Variants in TAFA1 observed in about 807,000 individuals in gnomAD.
The protein encoded by TAFA1 is chemokine-like protein TAFA-1.
A neutral mutation model predicts 18.5 loss-of-function variants in TAFA1; 4 were observed. The observed-to-expected ratio is 0.22, with a 90% CI of 0.11 to 0.49. TAFA1 has a LOEUF of 0.49. Ranked by LOEUF, TAFA1 falls within the 20% of genes least tolerant of loss-of-function variation. The pLI is 0.98. For synonymous variants in TAFA1, 56 were observed against 55.2 expected (o/e 1.01, Z -0.06); for missense variants, 147 against 169.0 (o/e 0.87, Z 0.72).
At chr3:68,083,189 GA>G (rs1452479747) in intron 2 of TAFA1, among the ~76,000 whole-genome samples, 1 of 152,168 alleles carries the variant, frequency 6.6e-6, no homozygotes, top group Non-Finnish European at 1.5e-5. Flanking sequence ...TAAAATCAGA[GA>G]AGGGCTCTAT....
At chr3:68,008,474 A>G (rs1704407862) in intron 2 of TAFA1, among the ~76,000 whole-genome samples, 1 of 152,182 alleles carries the variant, frequency 6.6e-6, no homozygotes, top group African/African-American at 2.4e-5. Flanking sequence ...CACACTGTTC[A>G]GTTTAATCCT....
chr3:68,434,443 T>G (rs908358896), intron 3 of TAFA1, among the ~76,000 whole-genome samples: 1 of 152,064 alleles, frequency 6.6e-6, no homozygotes, highest in African/African-American at 2.4e-5. Context: ...CATAGAACCT[T>G]ATTAGATACC....
chr3:68,263,257 G>C (rs142958907), intron 2 of TAFA1, among the ~76,000 whole-genome samples: 1 of 151,802 alleles, frequency 6.6e-6, no homozygotes. Flanking sequence ...TATATTATAC[G>C]GTGGAATTTC....
chr3:68,234,215 GT>G (rs2066902554), intron 2 of TAFA1, among the ~76,000 whole-genome samples: 1 of 152,176 alleles, frequency 6.6e-6, no homozygotes, highest in South Asian at 2.1e-4. Flanking sequence ...AGTGGCAGGT[GT>G]TTGGAAACTG....
intron 2 of TAFA1, among the ~76,000 whole-genome samples, chr3:68,348,339 C>T (rs1284846426): frequency 1.3e-5 from 2 of 152,124 alleles, no homozygotes; most frequent in Admixed American, 6.6e-5. Flanking sequence ...ACTCATTTAT[C>T]ACTATACTTA....
chr3:68,123,993 T>C (rs1033148971), intron 2 of TAFA1, among the ~76,000 whole-genome samples: 4 of 150,032 alleles, frequency 2.7e-5, no homozygotes, highest in Non-Finnish European at 5.9e-5. Context: ...AAAAGCTTCC[T>C]CAGGTCAGAC....
At chr3:68,054,292 T>A (rs959052051) in intron 2 of TAFA1, among the ~76,000 whole-genome samples, 2 of 152,050 alleles carry the variant, frequency 1.3e-5, no homozygotes. Flanking sequence ...GGGAGGGTAG[T>A]GAGTGAGTTC....
intron 2 of TAFA1, among the ~76,000 whole-genome samples, chr3:68,337,999 G>T (rs1018386363): frequency 6.6e-6 from 1 of 152,178 alleles, no homozygotes; most frequent in East Asian, 1.9e-4. Flanking sequence ...AGATTAGCTG[G>T]TGTTCAAGTG....
intron 2 of TAFA1, among the ~76,000 whole-genome samples, chr3:68,327,881 C>T (rs1039547095): frequency 6.6e-6 from 1 of 152,068 alleles, no homozygotes; most frequent in African/African-American, 2.4e-5. Flanking sequence ...AGATATGGAC[C>T]CAGGTGGTCT....
rs142907032 is a variant in TAFA1 at position 68,279,525 on chromosome 3, G to A, written c.119-137755G>A. ...GGACAGATTCTACTTCTCTAGACCT[G>A]ATAATCTGGTGAAAGAGATTGATGT... On this transcript the variant is annotated intron_variant, in intron 2 of 4. Transcript: ENST00000478136. Among the ~76,000 whole-genome samples, 192 of 152,206 alleles carry A rather than the reference G, an allele frequency of 1.3e-3. 1 individual carries two copies. Among genetic ancestry groups the A allele is most frequent in the African/African-American group, 4.1e-3 (170 of 41,548 alleles).
intron 2 of TAFA1, among the ~76,000 whole-genome samples, chr3:68,112,529 T>C (rs1559524779): frequency 6.6e-6 from 1 of 152,192 alleles, no homozygotes; most frequent in Non-Finnish European, 1.5e-5. Context: ...TTATATTTAA[T>C]GGTTAAATAT....
intron 2 of TAFA1, among the ~76,000 whole-genome samples, chr3:68,281,126 T>G (rs979025703): frequency 1.1e-4 from 17 of 152,174 alleles, no homozygotes; most frequent in Middle Eastern, 3.2e-3. Context: ...ATCATTTTAA[T>G]TTTTTATTTA....
intron 2 of TAFA1, among the ~76,000 whole-genome samples, chr3:68,406,389 A>G (rs141824134): frequency 8.5e-5 from 13 of 152,288 alleles, no homozygotes; most frequent in African/African-American, 3.1e-4. Flanking sequence ...TTAAGTCAAG[A>G]ATATTGCACC....
At chr3:68,528,568 C>T (rs2073141586) in intron 3 of TAFA1, among the ~76,000 whole-genome samples, 1 of 152,188 alleles carries the variant, frequency 6.6e-6, no homozygotes, top group African/African-American at 2.4e-5. Context: ...AGAGTTGTAA[C>T]AGCTGTTCCA....
chr3:68,305,980 G>A (rs1322390911), intron 2 of TAFA1, among the ~76,000 whole-genome samples: 3 of 152,158 alleles, frequency 2.0e-5, no homozygotes, highest in African/African-American at 4.8e-5. Flanking sequence ...GATTTAAAAT[G>A]TTTGAAAAAC....
chr3:68,440,674 T>G (rs890887598), intron 3 of TAFA1, among the ~76,000 whole-genome samples: 1 of 152,138 alleles, frequency 6.6e-6, no homozygotes, highest in Non-Finnish European at 1.5e-5. Context: ...TCTGGGCCAT[T>G]TGTAGTCCTG....
upstream of TAFA1, among the ~76,000 whole-genome samples, chr3:68,000,230 G>A (rs1704269972): frequency 6.6e-6 from 1 of 152,176 alleles, no homozygotes; most frequent in Non-Finnish European, 1.5e-5. Context: ...CAGTATGTTA[G>A]ACTCTGAAGA....
chr3:68,270,220 T>C (rs1424164426), intron 2 of TAFA1, among the ~76,000 whole-genome samples: 2 of 152,144 alleles, frequency 1.3e-5, no homozygotes, highest in Non-Finnish European at 2.9e-5. Flanking sequence ...ACTTTCTTAA[T>C]CCCTCTAAGC....
At chr3:68,398,344 G>A (rs1443786285) in intron 2 of TAFA1, among the ~76,000 whole-genome samples, 1 of 152,114 alleles carries the variant, frequency 6.6e-6, no homozygotes, top group Non-Finnish European at 1.5e-5. Context: ...TTAATAAATG[G>A]TGCTGGGAAA....
Sources: allele counts gnomAD v4.1 joint callset (sites outside exome capture counted in the v4.1 genomes callset), GRCh38; gene constraint gnomAD v4.1.1; transcripts MANE v1.5; gene names NCBI Gene and HGNC (gene_info 2026-07-23, HGNC 2026-07-21).